Variants in ADAMTSL1 observed in about 807,000 individuals in gnomAD.
The protein encoded by ADAMTSL1 is ADAMTS-like protein 1.
Under a neutral mutation model 201.8 loss-of-function variants are expected in ADAMTSL1, and 126 were observed. That is an observed-to-expected ratio of 0.62 (90% CI 0.54 to 0.72). The LOEUF (loss-of-function observed/expected upper bound fraction) is 0.72, where lower values mean the gene tolerates loss of function less well. Among genes scored for constraint, ADAMTSL1 ranks in the 30% least tolerant of loss-of-function variants. The pLI is 0.00. For synonymous variants in ADAMTSL1, 1,121 were observed against 903.4 expected, an observed-to-expected ratio of 1.24 and a Z score of -4.32; for missense variants, 2,679 against 2,277.8, an observed-to-expected ratio of 1.18 and a Z score of -3.59.
intron 19 of ADAMTSL1, among the ~76,000 whole-genome samples, chr9:18,784,681 C>A (rs568756885): frequency 2.6e-5 from 4 of 152,320 alleles, no homozygotes; most frequent in Admixed American, 6.5e-5. Context: ...CGTCTCCCAC[C>A]ACATCCAGGC....
At chr9:18,418,598 A>G (rs1160167483) in intron 2 of ADAMTSL1, among the ~76,000 whole-genome samples, 1 of 152,202 alleles carries the variant, frequency 6.6e-6, no homozygotes, top group African/African-American at 2.4e-5. Context: ...TATTTAAGAA[A>G]TAGGGATAAA....
Position 18,015,836 on chromosome 9 carries a change from C to T in ADAMTSL1, c.87+108914C>T, listed in dbSNP as rs528628034. Reference sequence around the variant, plus strand: ...GATTAGGATAAGAGAGGACCTGAACCCAGTCTTTCTAAGAGCTCCTCAAGA... The same window carrying T: ...GATTAGGATAAGAGAGGACCTGAACTCAGTCTTTCTAAGAGCTCCTCAAGA... On this transcript the variant is annotated intron_variant, in intron 1 of 29. Transcript: ENST00000680146. Among the ~76,000 whole-genome samples the T allele has an allele frequency of 2.6e-5, 4 of 151,966 alleles. No individual in the cohort carries two copies. The East Asian group carries it at 7.8e-4, about 30-fold the overall frequency.
chr9:18,528,257 C>T (rs1433338828), intron 2 of ADAMTSL1, among the ~76,000 whole-genome samples: 4 of 151,938 alleles, frequency 2.6e-5, no homozygotes, highest in Non-Finnish European at 5.9e-5. Context: ...CAAAGGTAAA[C>T]GTGTGCCATG....
chr9:17,978,047 T>C (rs1264448398), intron 1 of ADAMTSL1, among the ~76,000 whole-genome samples: 2 of 152,074 alleles, frequency 1.3e-5, no homozygotes, highest in African/African-American at 4.8e-5. Context: ...TTAAAAAAAT[T>C]ATATGTGAAC....
chr9:18,389,886 G>A (rs1333521940), intron 2 of ADAMTSL1, among the ~76,000 whole-genome samples: 1 of 152,048 alleles, frequency 6.6e-6, no homozygotes. Context: ...AGCACAATTT[G>A]TGCCACAGAG....
intron 2 of ADAMTSL1, among the ~76,000 whole-genome samples, chr9:18,261,510 G>A (rs1831923446): frequency 6.6e-6 from 1 of 152,170 alleles, no homozygotes; most frequent in African/African-American, 2.4e-5. Context: ...TTCACCCATG[G>A]ACACATTGCT....
At chr9:18,035,347 C>T (rs181242674) in intron 1 of ADAMTSL1, among the ~76,000 whole-genome samples, 10 of 152,092 alleles carry the variant, frequency 6.6e-5, no homozygotes, top group African/African-American at 1.7e-4. Context: ...TTGAAGTGGA[C>T]CTATCGTTTT....
At chr9:18,890,646 G>A (rs570384721) in intron 25 of ADAMTSL1, 2 of 455,526 alleles carry the variant, frequency 4.4e-6, no homozygotes, top group African/African-American at 4.0e-5. Context: ...TGACGGGAAG[G>A]TTTCCACAGG....
intron 1 of ADAMTSL1, among the ~76,000 whole-genome samples, chr9:18,011,055 T>C (rs188735803): frequency 6.6e-6 from 1 of 152,054 alleles, no homozygotes; most frequent in East Asian, 1.9e-4. Context: ...AACACAGTCT[T>C]ATATATCTTA....
At chr9:18,072,743 G>A (rs1823024648) in intron 1 of ADAMTSL1, among the ~76,000 whole-genome samples, 1 of 152,200 alleles carries the variant, frequency 6.6e-6, no homozygotes, top group African/African-American at 2.4e-5. Context: ...GTTTTGAAGG[G>A]TTGGTACTAT....
At chr9:18,790,377 A>G (rs550978425) in intron 19 of ADAMTSL1, among the ~76,000 whole-genome samples, 158 of 152,310 alleles carry the variant, frequency 1.0e-3, no homozygotes, top group African/African-American at 3.5e-3. Flanking sequence ...ATGGAGATCA[A>G]TTTGAGAAGT....
chr9:18,886,195 T>TAC (rs1563888204), intron 23 of ADAMTSL1, among the ~76,000 whole-genome samples: 1 of 128,686 alleles, frequency 7.8e-6, no homozygotes, highest in Non-Finnish European at 1.7e-5. Flanking sequence ...TATATATATA[T>TAC]ATATATATAT....
At chr9:18,597,520 G>C (rs1587672837) in intron 4 of ADAMTSL1, among the ~76,000 whole-genome samples, 1 of 152,134 alleles carries the variant, frequency 6.6e-6, no homozygotes, top group African/African-American at 2.4e-5. Flanking sequence ...TTGAAACCTT[G>C]TCCTTGGCTT....
At chr9:18,542,771 A>G (rs1208619390) in intron 3 of ADAMTSL1, among the ~76,000 whole-genome samples, 1 of 152,194 alleles carries the variant, frequency 6.6e-6, no homozygotes, top group Admixed American at 6.5e-5. Context: ...CCTTTCTTCA[A>G]CTTCCTCCTC....
chr9:18,535,311 C>T (rs987180777), intron 3 of ADAMTSL1, among the ~76,000 whole-genome samples: 14 of 152,182 alleles, frequency 9.2e-5, no homozygotes, highest in African/African-American at 2.2e-4. Flanking sequence ...TCCTTTTCTC[C>T]ATCTGAGACC....
upstream of ADAMTSL1, among the ~76,000 whole-genome samples, chr9:18,473,020 C>T (rs1401563394): frequency 6.6e-6 from 1 of 152,192 alleles, no homozygotes; most frequent in Non-Finnish European, 1.5e-5. Flanking sequence ...CTGACCTTCT[C>T]GTTGCTGTTG....
At chr9:17,931,573 T>C (rs1377446463) in intron 1 of ADAMTSL1, among the ~76,000 whole-genome samples, 3 of 152,208 alleles carry the variant, frequency 2.0e-5, no homozygotes, top group Admixed American at 6.5e-5. Flanking sequence ...TCAAGAAATG[T>C]AAGTATTTTC....
chr9:18,579,507 T>C (rs546038403), intron 4 of ADAMTSL1, among the ~76,000 whole-genome samples: 3 of 151,928 alleles, frequency 2.0e-5, no homozygotes, highest in Non-Finnish European at 2.9e-5. Context: ...AAAAAATAAA[T>C]AAATAAAAAA....
intron 2 of ADAMTSL1, among the ~76,000 whole-genome samples, chr9:18,313,704 A>G (rs931289366): frequency 1.3e-5 from 2 of 152,224 alleles, no homozygotes; most frequent in African/African-American, 2.4e-5. Flanking sequence ...TAAAACTCCT[A>G]GGACATGAGC....
Sources: allele counts gnomAD v4.1 joint callset (sites outside exome capture counted in the v4.1 genomes callset), GRCh38; gene constraint gnomAD v4.1.1; transcripts MANE v1.5; gene names NCBI Gene and HGNC (gene_info 2026-07-23, HGNC 2026-07-21).